Variants in KCNJ10 observed in about 807,000 individuals in gnomAD.
KCNJ10 encodes the protein potassium inwardly rectifying channel subfamily J member 10.
Under a neutral mutation model 22.2 loss-of-function variants are expected in KCNJ10, and 9 were observed. The observed-to-expected ratio is 0.40, with a 90% CI of 0.24 to 0.71. KCNJ10 has a LOEUF of 0.71. KCNJ10 is among the 30% of genes least tolerant of loss of function. The pLI is 0.35. For synonymous variants in KCNJ10, 184 were observed against 187.3 expected, an observed-to-expected ratio of 0.98 and a Z score of 0.15; for missense variants, 337 against 482.7, an observed-to-expected ratio of 0.70 and a Z score of 2.83.
chr1:160,054,778 G>C (rs896892278), intron 1 of KCNJ10, among the ~76,000 whole-genome samples: 1 of 152,212 alleles, frequency 6.6e-6, no homozygotes, highest in African/African-American at 2.4e-5. Flanking sequence ...TGCTGGTTGA[G>C]GGGATCAACC....
chr1:160,065,959 C>T (rs1252996170), intron 1 of KCNJ10, among the ~76,000 whole-genome samples: 3 of 151,856 alleles, frequency 2.0e-5, no homozygotes, highest in Non-Finnish European at 4.4e-5. Flanking sequence ...AATCAGGAGA[C>T]ACAAGAAGAG....
chr1:160,043,310 CACACAA>C lies in KCNJ10; in HGVS notation c.1-784_1-779del, dbSNP rs879734856. Among the ~76,000 whole-genome samples the C allele has an allele frequency of 2.6e-3, 386 of 150,946 alleles. 1 individual carries two copies. Among genetic ancestry groups the C allele is most frequent in the East Asian group, 6.0e-3 (31 of 5,124 alleles). On this transcript the variant is annotated intron_variant, in intron 1 of 1. Transcript: ENST00000644903. ...ACACACACACACACACACACACACACACACAACCTTAATTTCTTCATTCTCTGCTCT... is the reference window on the plus strand; with the variant it reads ...ACACACACACACACACACACACACACCCTTAATTTCTTCATTCTCTGCTCT...
chr1:160,039,373 GACACACACACACAC>G lies in KCNJ10; in HGVS notation c.*2006_*2019del, dbSNP rs56656397. The stretch of plus-strand genomic sequence containing the variant: ...ACTTGGCAATGGATAGGAAGGTATA[GACACACACACACAC>G]ACACACACACACACACACACACACA... On this transcript the variant is annotated 3_prime_UTR_variant, in exon 2 of 2. Coordinates refer to ENST00000644903, the MANE Select transcript of KCNJ10 (RefSeq NM_002241.5). 18,484 of 134,988 alleles carry G rather than the reference GACACACACACACAC, an allele frequency of 0.14. 1,439 individuals carry two copies. The highest frequency in any genetic ancestry group is 0.18 in the Non-Finnish European group (11,607 of 63,916). The allele number at this position is 134,988 out of a possible 1,614,324, so 8.4% of individuals were successfully genotyped here.
At chr1:160,047,968 C>T (rs527292439) in intron 1 of KCNJ10, among the ~76,000 whole-genome samples, 16 of 152,308 alleles carry the variant, frequency 1.1e-4, no homozygotes, top group East Asian at 7.7e-4. Context: ...CTCAAACTCC[C>T]GGACTTAAGT....
chr1:160,069,950 T>C (rs1254800061), intron 1 of KCNJ10, 72 bp downstream of exon 1: 2 of 152,664 alleles, frequency 1.3e-5, no homozygotes, highest in Admixed American at 6.5e-5. Flanking sequence ...GGGACCCCGA[T>C]GTCTCTGGAG....
chr1:160,053,455 C>T (rs1446340622), intron 1 of KCNJ10, among the ~76,000 whole-genome samples: 1 of 152,134 alleles, frequency 6.6e-6, no homozygotes, highest in African/African-American at 2.4e-5. Context: ...TGTAAGCCCT[C>T]AAGGTTGGAA....
rs911410860 is a variant in KCNJ10, at chr1:160,041,235, C to T, written c.*158G>A. On this transcript the variant is annotated 3_prime_UTR_variant, in exon 2 of 2. Transcript: ENST00000644903. The surrounding 1 kb of genome is among the most constrained non-coding windows in gnomAD (Gnocchi z 4.4). ...GGACAGTGGGAGGCGAACCTGGACT[C>T]CAGTTGGCCTAAGCTACCAACAGGC... 5 of 716,380 alleles carry T rather than the reference C, an allele frequency of 7.0e-6. No individual in the cohort carries two copies. Among genetic ancestry groups the T allele is most frequent in the Non-Finnish European group, 1.2e-5 (5 of 417,538 alleles). The allele number at this position is 716,380 out of a possible 1,614,324, so 44.4% of individuals were successfully genotyped here.
At chr1:160,044,483 A>G (rs184349917) in intron 1 of KCNJ10, among the ~76,000 whole-genome samples, 155 of 152,262 alleles carry the variant, frequency 1.0e-3, no homozygotes, top group Admixed American at 4.1e-3. Flanking sequence ...GTAAACTCCT[A>G]TAAGATTTTG....
intron 1 of KCNJ10, among the ~76,000 whole-genome samples, chr1:160,049,841 G>T (rs1372558625): frequency 1.3e-5 from 2 of 150,936 alleles, no homozygotes; most frequent in Non-Finnish European, 2.9e-5. Flanking sequence ...CAATCTAACT[G>T]ACTCCATCAT....
At chr1:160,066,758 G>T (rs1011823596) in intron 1 of KCNJ10, among the ~76,000 whole-genome samples, 1 of 152,176 alleles carries the variant, frequency 6.6e-6, no homozygotes, top group Admixed American at 6.5e-5. Context: ...GCCCCTGACA[G>T]TTGTCACAAT....
chr1:160,045,735 A>C (rs1314964682), intron 1 of KCNJ10, among the ~76,000 whole-genome samples: 2 of 152,212 alleles, frequency 1.3e-5, no homozygotes, highest in Admixed American at 6.5e-5. Flanking sequence ...TCAGAACCAG[A>C]CCACATGAGA....
At chr1:160,060,694 G>A (rs186155660) in intron 1 of KCNJ10, among the ~76,000 whole-genome samples, 2 of 152,264 alleles carry the variant, frequency 1.3e-5, no homozygotes, top group Admixed American at 1.3e-4. Context: ...CAAGTCTCTG[G>A]GATCCCAATG....
intron 1 of KCNJ10, among the ~76,000 whole-genome samples, chr1:160,065,457 A>G (rs143625308): frequency 4.1e-4 from 62 of 152,296 alleles, no homozygotes; most frequent in African/African-American, 1.3e-3. Flanking sequence ...ACCCCCGGCT[A>G]ATGAGGGAGA....
At position 160,040,610 on chromosome 1, in the gene KCNJ10, T is replaced by C. The variant is rs886045409; in HGVS notation, c.*783A>G. 18 of 398,596 alleles carry C rather than the reference T, an allele frequency of 4.5e-5. No homozygotes were observed. The highest frequency in any genetic ancestry group is 1.3e-4 in the South Asian group (1 of 7,860). The allele number at this position is 398,596 out of a possible 1,614,324, so 24.7% of individuals were successfully genotyped here. A position where few individuals can be genotyped will look rare whatever the true frequency, so the allele number is the denominator to read the frequency against. ...GATCTTCTCTGGGCTGCCTGGAAGA[T>C]AGGTTTAAAGGTTTAGATAACAACT... is the stretch of plus-strand genomic sequence containing the variant. On this transcript the variant is annotated 3_prime_UTR_variant, in exon 2 of 2. Coordinates refer to ENST00000644903, the MANE Select transcript of KCNJ10 (RefSeq NM_002241.5).
intron 1 of KCNJ10, 35 bp from the exon 2 acceptor site, chr1:160,042,567 G>A (rs374301166): frequency 7.3e-5 from 117 of 1,595,238 alleles, no homozygotes; most frequent in African/African-American, 4.7e-4. Flanking sequence ...GGAGGTTATC[G>A]TAGAAATCCA....
intron 1 of KCNJ10, among the ~76,000 whole-genome samples, chr1:160,061,645 G>A (rs1460562319): frequency 1.3e-5 from 2 of 151,746 alleles, no homozygotes; most frequent in Admixed American, 6.6e-5. Flanking sequence ...GTCACAACAA[G>A]TGCAAACTTG....
At chr1:160,066,156 G>A (rs1411008483) in intron 1 of KCNJ10, among the ~76,000 whole-genome samples, 1 of 151,994 alleles carries the variant, frequency 6.6e-6, no homozygotes, top group African/African-American at 2.4e-5. Context: ...CTGAGAATGG[G>A]GAAAGAGACT....
In KCNJ10 at chr1:160,041,304, G is replaced by C. The variant is rs115130978; in HGVS notation, c.*89C>G. 7.6e-7 allele frequency: 1 copy of C among 1,315,206 alleles called. No individual in the cohort carries two copies. The highest frequency in any genetic ancestry group is 1.5e-5 in the African/African-American group (1 of 68,698). 81.5% of individuals were successfully genotyped at this position (1,315,206 alleles called of 1,614,324 possible). A position where few individuals can be genotyped will look rare whatever the true frequency, so the allele number is the denominator to read the frequency against. On this transcript the variant is annotated 3_prime_UTR_variant, in exon 2 of 2. Coordinates refer to ENST00000644903, the MANE Select transcript of KCNJ10 (RefSeq NM_002241.5). The surrounding 1 kb of genome is among the most constrained non-coding windows in gnomAD (Gnocchi z 4.4). Reference sequence around the variant, plus strand: ...GGAGTGGAGGATGGGTGCTTCGGGGGATCTCCAGTAAACCCGGGTAGTATT... The same window carrying C: ...GGAGTGGAGGATGGGTGCTTCGGGGCATCTCCAGTAAACCCGGGTAGTATT...
intron 1 of KCNJ10, among the ~76,000 whole-genome samples, chr1:160,066,107 G>T (rs1419007219): frequency 6.6e-6 from 1 of 152,192 alleles, no homozygotes; most frequent in African/African-American, 2.4e-5. Flanking sequence ...ACCGACAGAA[G>T]AAGTCTCTGA....
Sources: allele counts gnomAD v4.1 joint callset (sites outside exome capture counted in the v4.1 genomes callset), GRCh38; gene constraint gnomAD v4.1.1; non-coding constraint Gnocchi (gnomAD v3.1); transcripts MANE v1.5; gene names NCBI Gene and HGNC (gene_info 2026-07-23, HGNC 2026-07-21).